The following DLG2 variants were observed in gnomAD, a reference collection of about 807,000 sequenced individuals.
DLG2 encodes the protein disks large homolog 2.
In DLG2, 45 loss-of-function variants were observed where a neutral mutation model predicts 132.5. The ratio of observed to expected loss-of-function variants is 0.34; its 90% CI spans 0.27 to 0.44. The LOEUF (loss-of-function observed/expected upper bound fraction) is 0.44, where lower values mean the gene tolerates loss of function less well. Ranked by LOEUF, DLG2 falls within the 20% of genes least tolerant of loss-of-function variation. The pLI is 1.00. For synonymous variants in DLG2, 424 were observed against 419.6 expected, an observed-to-expected ratio of 1.01 and a Z score of -0.13; for missense variants, 1,045 against 1,196.9, an observed-to-expected ratio of 0.87 and a Z score of 1.87.
chr11:84,444,128 G>T (rs1223452928), intron 7 of DLG2, among the ~76,000 whole-genome samples: 1 of 151,840 alleles, frequency 6.6e-6, no homozygotes, highest in Non-Finnish European at 1.5e-5. Flanking sequence ...ACCCAACACT[G>T]CATGTTCTCA....
intron 18 of DLG2, among the ~76,000 whole-genome samples, chr11:83,707,208 G>A (rs2084218234): frequency 6.6e-6 from 1 of 152,156 alleles, no homozygotes; most frequent in Non-Finnish European, 1.5e-5. Flanking sequence ...CTCCCCCAGG[G>A]CCTATAAGCA....
At chr11:84,487,337 A>G (rs2099153641) in intron 7 of DLG2, among the ~76,000 whole-genome samples, 1 of 152,158 alleles carries the variant, frequency 6.6e-6, no homozygotes, top group Admixed American at 6.6e-5. Context: ...TAGCTTAAAT[A>G]AAATGCTTGA....
intron 6 of DLG2, among the ~76,000 whole-genome samples, chr11:84,774,370 A>G (rs1177808795): frequency 6.6e-6 from 1 of 152,202 alleles, no homozygotes; most frequent in African/African-American, 2.4e-5. Context: ...CATACTGCCT[A>G]AAGTGGTCTA....
chr11:85,241,325 A>G (rs1268023690), intron 4 of DLG2, among the ~76,000 whole-genome samples: 5 of 151,842 alleles, frequency 3.3e-5, no homozygotes. Flanking sequence ...CAGTCATATC[A>G]TCTACCAAAA....
chr11:84,809,463 A>AAGAG lies in DLG2; in HGVS notation c.358-274733_358-274732insCTCT, dbSNP rs541303105. On this transcript the variant is annotated intron_variant, in intron 6 of 27. Transcript: ENST00000376104. ...AAAAAAATAAAAGTCATAAGAAAGA[A>AAGAG]AGAAATAAGACTGTTCCTATTTGCA... Among the ~76,000 whole-genome samples the AAGAG allele has an allele frequency of 1.3e-3, 204 of 152,012 alleles. 1 individual carries two copies. Among genetic ancestry groups the AAGAG allele is most frequent in the African/African-American group, 4.8e-3 (198 of 41,568 alleles).
At chr11:83,493,336 T>TTTCCTTCC (rs201830272) in intron 21 of DLG2, among the ~76,000 whole-genome samples, 2,476 of 131,984 alleles carry the variant, frequency 0.019, 39 homozygotes, top group Middle Eastern at 0.029. Flanking sequence ...CTTTTCTTTC[T>TTTCCTTCC]TTCCTTCCTT....
chr11:84,541,233 GATT>G (rs1354324776), intron 6 of DLG2, among the ~76,000 whole-genome samples: 1 of 151,522 alleles, frequency 6.6e-6, no homozygotes, highest in African/African-American at 2.4e-5. Context: ...TTTGTAAACA[GATT>G]ATATTTCCTG....
intron 3 of DLG2, among the ~76,000 whole-genome samples, chr11:85,527,996 C>T (rs929296344): frequency 4.6e-5 from 7 of 152,158 alleles, no homozygotes; most frequent in African/African-American, 1.7e-4. Flanking sequence ...TGAGAAGTGT[C>T]TGTTCATATC....
chr11:84,076,213 A>G lies in DLG2; in HGVS notation c.750-16729T>C, dbSNP rs551184206. On this transcript the variant is annotated intron_variant, in intron 10 of 27. Transcript: ENST00000376104. ...AGGTGAGTCTATGAGGGACACTTAC[A>G]TGAAGGAACATATTAAAGGAGGCCA... 3.3e-5 allele frequency among the ~76,000 whole-genome samples: 5 copies of G among 152,312 alleles called. No homozygotes were observed. The South Asian group carries it at 1.0e-3, about 32-fold the overall frequency.
intron 6 of DLG2, among the ~76,000 whole-genome samples, chr11:84,769,797 A>C (rs538399149): frequency 8.5e-5 from 13 of 152,364 alleles, no homozygotes; most frequent in Admixed American, 2.6e-4. Flanking sequence ...CAGAAACCTT[A>C]TAAGCCAGGA....
chr11:84,670,538 G>C (rs2099704632), intron 6 of DLG2, among the ~76,000 whole-genome samples: 1 of 152,048 alleles, frequency 6.6e-6, no homozygotes, highest in Non-Finnish European at 1.5e-5. Flanking sequence ...TTCACAACAG[G>C]CTCACCACAA....
At chr11:85,611,984 A>G (rs371725932) in intron 2 of DLG2, among the ~76,000 whole-genome samples, 1 of 152,134 alleles carries the variant, frequency 6.6e-6, no homozygotes, top group African/African-American at 2.4e-5. Flanking sequence ...TAGGAAGTCA[A>G]AGAGAGAGAC....
chr11:85,340,769 G>A (rs1399714486), intron 3 of DLG2, among the ~76,000 whole-genome samples: 1 of 152,176 alleles, frequency 6.6e-6, no homozygotes, highest in Non-Finnish European at 1.5e-5. Context: ...GCAATTGGTA[G>A]TCAAATTTAT....
chr11:84,799,037 G>A (rs1303535408), intron 6 of DLG2, among the ~76,000 whole-genome samples: 2 of 152,176 alleles, frequency 1.3e-5, no homozygotes, highest in Admixed American at 6.5e-5. Context: ...AGGCGAGGAT[G>A]GCACAAGTAC....
intron 6 of DLG2, among the ~76,000 whole-genome samples, chr11:85,007,680 A>G (rs997380756): frequency 1.6e-4 from 24 of 150,608 alleles, no homozygotes; most frequent in Non-Finnish European, 3.1e-4. Context: ...AAAAAAAAAA[A>G]AAAAAAAAAA....
intron 3 of DLG2, among the ~76,000 whole-genome samples, chr11:85,430,058 A>C (rs1010258306): frequency 6.6e-6 from 1 of 152,112 alleles, no homozygotes; most frequent in African/African-American, 2.4e-5. Context: ...GTCCTTTGTA[A>C]GGACATGGAT....
intron 6 of DLG2, among the ~76,000 whole-genome samples, chr11:84,902,584 C>G (rs924547508): frequency 6.6e-5 from 10 of 152,172 alleles, no homozygotes; most frequent in Admixed American, 1.3e-4. Context: ...TCTCCTTTCA[C>G]TTTTCACAGT....
At chr11:83,994,979 A>AT (rs67876577) in intron 11 of DLG2, among the ~76,000 whole-genome samples, 15,373 of 136,210 alleles carry the variant, frequency 0.11, 1,367 homozygotes, top group African/African-American at 0.25. Flanking sequence ...TTCTGTGTCC[A>AT]TTTTTTTTTT....
chr11:83,655,998 T>G (rs1838936012), intron 18 of DLG2, among the ~76,000 whole-genome samples: 1 of 152,198 alleles, frequency 6.6e-6, no homozygotes, highest in South Asian at 2.1e-4. Context: ...AACTTGAGCC[T>G]TCTAGGAAAG....
Sources: allele counts gnomAD v4.1 joint callset (sites outside exome capture counted in the v4.1 genomes callset), GRCh38; gene constraint gnomAD v4.1.1; transcripts MANE v1.5; gene names NCBI Gene and HGNC (gene_info 2026-07-23, HGNC 2026-07-21).